DIDO1: variants seen among roughly 807,000 people sequenced by gnomAD.
DIDO1 encodes death inducer-obliterator 1.
A neutral mutation model predicts 99.4 loss-of-function variants in DIDO1; 16 were observed. The observed-to-expected ratio is 0.16, with a 90% CI of 0.11 to 0.24. DIDO1 has a LOEUF of 0.24. Ranked by LOEUF, DIDO1 falls within the 10% of genes least tolerant of loss-of-function variation. The pLI is 1.00. For missense variants in DIDO1, 2,996 were observed against 3,014.0 expected (o/e 0.99, Z 0.14); for synonymous variants, 1,366 against 1,239.1 (o/e 1.10, Z -2.15).
rs753370296 is a variant in DIDO1, at chr20:62,881,474, C to T, written c.4482G>A (p.Glu1494=). 2.5e-6 allele frequency: 4 copies of T among 1,610,382 alleles called. No individual in the cohort carries two copies. Among genetic ancestry groups the T allele is most frequent in the South Asian group, 2.2e-5 (2 of 91,082 alleles). ...GCTGCCTGAGAGCTTCTTCTTGCTC[C>T]TCCAGCTGTCTCTTCTGCTCCTCGA... ...KQIEEQKRQL[E]EQEEALRQQR... The change falls in exon 16 of 16, where the codon GAG becomes GAA. Residue 1494 remains glutamate (E), a synonymous_variant. Coordinates refer to ENST00000395343, the MANE Select transcript of DIDO1 (RefSeq NM_001193369.2). This position sits in a 1 kb window ranked among gnomAD's most constrained non-coding sequence, Gnocchi z 8.3.
At chr20:62,895,391 G>A (rs2064496230) in intron 8 of DIDO1, among the ~76,000 whole-genome samples, 1 of 152,178 alleles carries the variant, frequency 6.6e-6, no homozygotes, top group African/African-American at 2.4e-5. Flanking sequence ...TGAGCAAATG[G>A]GAGCCCAGAG....
upstream of DIDO1, among the ~76,000 whole-genome samples, chr20:62,929,663 G>A (rs1246015817): frequency 1.8e-5 from 2 of 109,816 alleles, no homozygotes; most frequent in East Asian, 5.6e-4. Flanking sequence ...TACCCAGGAG[G>A]AGAACGTGGA....
chr20:62,881,791 C>T lies in DIDO1; in HGVS notation c.4165G>A (p.Glu1389Lys), dbSNP rs1202697668. Reference protein sequence around the residue: ...EEDDRPYDPEEEYDPERAFDT... With the variant: ...EEDDRPYDPEKEYDPERAFDT... ...AAGGCCCTCTCCGGGTCGTACTCCTCCTCAGGGTCGTATGGCCTGTCGTCC... is the reference window on the plus strand; with the variant it reads ...AAGGCCCTCTCCGGGTCGTACTCCTTCTCAGGGTCGTATGGCCTGTCGTCC... The change falls in exon 16 of 16, where the codon GAG becomes AAG. Residue 1389 changes from glutamate to lysine, a missense_variant. This residue lies in a region of DIDO1 where 1,562 missense variants were observed against 1,412.6 expected (regional missense o/e 1.11). Coordinates refer to ENST00000395343, the MANE Select transcript of DIDO1 (RefSeq NM_001193369.2). The surrounding 1 kb of genome is among the most constrained non-coding windows in gnomAD (Gnocchi z 8.3). 6.2e-7 allele frequency: 1 copy of T among 1,613,480 alleles called. No homozygotes were observed. Among genetic ancestry groups the T allele is most frequent in the Non-Finnish European group, 8.5e-7 (1 of 1,180,024 alleles).
chr20:62,880,193 A>G lies in DIDO1; in HGVS notation c.5763T>C (p.Gly1921=). The G allele has an allele frequency of 6.2e-7, 1 of 1,611,968 alleles. No homozygotes were observed. Among genetic ancestry groups the G allele is most frequent in the Non-Finnish European group, 8.5e-7 (1 of 1,179,772 alleles). ...GGGGCCCTCTTGGGCCCACGAAATG[A>G]CCAGGGGGTGGTCCTCTCTGACCTC... ...QFGGQRGPPP[G]HFVGPRGPHP... is the part of the protein sequence containing the mutation. Residue 1921 remains glycine (G), a synonymous_variant, in exon 16 of 16, where the codon GGT becomes GGC. Coordinates refer to ENST00000395343, the MANE Select transcript of DIDO1 (RefSeq NM_001193369.2).
chr20:62,902,189 T>C (rs1341220140), intron 6 of DIDO1, among the ~76,000 whole-genome samples: 1 of 152,218 alleles, frequency 6.6e-6, no homozygotes, highest in Non-Finnish European at 1.5e-5. Flanking sequence ...AGGGTCACGG[T>C]TACGGAGGTG....
chr20:62,900,574 A>G (rs1374397502), intron 6 of DIDO1, among the ~76,000 whole-genome samples: 1 of 152,236 alleles, frequency 6.6e-6, no homozygotes, highest in African/African-American at 2.4e-5. Context: ...ATGGGGCAAG[A>G]GACCAAGTCT....
rs2064187558 is a variant in DIDO1, at chr20:62,880,793, C to T, written c.5163G>A (p.Gly1721=). ...RSSSPAGETE[G]DREPQARPGE... ...CGGGTCTGGCCTGTGGCTCTCTGTC[C>T]CCCTCTGTTTCACCTGCAGGGCTGC... is the stretch of plus-strand genomic sequence containing the variant. Residue 1721 remains glycine, a synonymous_variant, in exon 16 of 16, where the codon GGG becomes GGA. Coordinates refer to ENST00000395343, the MANE Select transcript of DIDO1 (RefSeq NM_001193369.2). 10 of 1,612,782 alleles carry T rather than the reference C, an allele frequency of 6.2e-6. No individual in the cohort carries two copies. The highest frequency in any genetic ancestry group is 8.5e-6 in the Non-Finnish European group (10 of 1,179,958).
Position 62,882,114 on chromosome 20 carries a change from G to A in DIDO1, c.3842C>T (p.Pro1281Leu), listed in dbSNP as rs984064280. 3.1e-6 allele frequency: 5 copies of A among 1,613,306 alleles called. No homozygotes were observed. The Admixed American group carries it at 6.7e-5, about 22-fold the overall frequency. Reference sequence around the variant, plus strand: ...TGCTGTGGCTGGGCTGGGGGCTGCAGGTTTGAGGGATGACAGCACTTTTAG... The same window carrying A: ...TGCTGTGGCTGGGCTGGGGGCTGCAAGTTTGAGGGATGACAGCACTTTTAG... ...PVLKVLSSLK[P>L]AAPSPATAAT... is the part of the protein sequence containing the mutation. Residue 1281 changes from proline (P) to leucine (L), a missense_variant, in exon 16 of 16, where the codon CCT becomes CTT. By Grantham distance (98) the Pro-to-Leu change is moderately conservative. Coordinates refer to ENST00000395343, the MANE Select transcript of DIDO1 (RefSeq NM_001193369.2).
intron 1 of DIDO1, among the ~76,000 whole-genome samples, chr20:62,937,505 G>C (rs1004265548): frequency 6.6e-6 from 1 of 152,262 alleles, no homozygotes; most frequent in Admixed American, 6.5e-5. Context: ...CATGGGAGGC[G>C]CCCTGAGGGC....
rs570033537 is a variant in DIDO1 at position 62,902,487 on chromosome 20, G to A, written c.1588+3400C>T. ...GGAGACAGATAAAAAAAGAGCTCAC[G>A]CGACCAGTGAAACAAGCCACCCTCC... On this transcript the variant is annotated intron_variant, in intron 6 of 15. Transcript: ENST00000395343. 2.6e-4 allele frequency among the ~76,000 whole-genome samples: 39 copies of A among 152,220 alleles called. 1 individual carries two copies. The highest frequency in any genetic ancestry group is 6.7e-4 in the African/African-American group (28 of 41,544).
intron 1 of DIDO1, among the ~76,000 whole-genome samples, chr20:62,931,711 C>T (rs2065333835): frequency 6.6e-6 from 1 of 152,222 alleles, no homozygotes; most frequent in South Asian, 2.1e-4. Flanking sequence ...GCATTCCAGA[C>T]GCAATGGGCC....
At position 62,896,575 on chromosome 20, in the gene DIDO1, A is replaced by T; in HGVS notation, c.2010T>A (p.Ile670=). 2 of 1,595,356 alleles carry T rather than the reference A, an allele frequency of 1.3e-6. No homozygotes were observed. The highest frequency in any genetic ancestry group is 1.7e-6 in the Non-Finnish European group (2 of 1,171,756). ...SAAPSQPNSQ[I]RQNIRRSLKE... ...TTAAGGAGCGTCTGATATTTTGCCG[A>T]ATTTGTGAATTTGGCTGCGATGGTG... The change falls in exon 7 of 16, where the codon ATT becomes ATA. Residue 670 remains isoleucine (I), a synonymous_variant. Transcript: ENST00000395343. The surrounding 1 kb of genome is among the most constrained non-coding windows in gnomAD (Gnocchi z 4.4).
At position 62,910,814 on chromosome 20, in the gene DIDO1, T is replaced by C; in HGVS notation, c.799A>G (p.Asn267Asp). ...PKPECEGYDP[N>D]ALYCICRQPH... ...TGGCGGCAAATGCAATACAGGGCGT[T>C]GGGGTCGTAACCCTCACATTCAGGC... is the stretch of plus-strand genomic sequence containing the variant. Residue 267 changes from asparagine to aspartate, a missense_variant, in exon 3 of 16, where the codon AAC becomes GAC. Around this residue, in one of 5 missense-constraint regions of DIDO1, gnomAD observed 388 missense variants for 376.6 expected, o/e 1.03. Coordinates refer to ENST00000395343, the MANE Select transcript of DIDO1 (RefSeq NM_001193369.2). 6.2e-7 allele frequency: 1 copy of C among 1,614,232 alleles called. No individual in the cohort carries two copies. The highest frequency in any genetic ancestry group is 8.5e-7 in the Non-Finnish European group (1 of 1,180,036).
intron 6 of DIDO1, among the ~76,000 whole-genome samples, chr20:62,901,151 T>C (rs1438879313): frequency 1.3e-5 from 2 of 152,204 alleles, no homozygotes; most frequent in East Asian, 1.9e-4. Flanking sequence ...ACTTCCCAAA[T>C]ACAGCAGGCA....
At chr20:62,929,692 A>AAAAAAAAAAAAAAATATATATATATATAT, upstream of DIDO1, among the ~76,000 whole-genome samples, 3 of 63,708 alleles carry the variant, frequency 4.7e-5, no homozygotes, top group African/African-American at 2.3e-4. Flanking sequence ...AAAAAGAAAA[A>AAAAAAAAAAAAAAATATATATATATATAT]GTGTATATAT....
At chr20:62,913,117 T>A (rs2147517194) in intron 2 of DIDO1, among the ~76,000 whole-genome samples, 1 of 152,346 alleles carries the variant, frequency 6.6e-6, no homozygotes, top group East Asian at 1.9e-4. Context: ...CTAAATGCTG[T>A]CACTTCTCAT....
At chr20:62,903,488 G>A (rs1176312716) in intron 6 of DIDO1, among the ~76,000 whole-genome samples, 1 of 152,172 alleles carries the variant, frequency 6.6e-6, no homozygotes, top group Non-Finnish European at 1.5e-5. Flanking sequence ...GGCGAGCTCC[G>A]TGGCCAGCCA....
At chr20:62,934,524 T>G (rs1373423314) in intron 1 of DIDO1, among the ~76,000 whole-genome samples, 1 of 152,200 alleles carries the variant, frequency 6.6e-6, no homozygotes. Flanking sequence ...TGAGAAATTA[T>G]CCTTGACCCC....
At chr20:62,886,944 T>G (rs2064306171) in intron 15 of DIDO1, among the ~76,000 whole-genome samples, 1 of 152,148 alleles carries the variant, frequency 6.6e-6, no homozygotes, top group Non-Finnish European at 1.5e-5. Flanking sequence ...TTGTTCCAAC[T>G]GGGAATCTCT....
Sources: gnomAD v4.1 joint callset for allele counts (sites outside exome capture counted in the v4.1 genomes callset) on GRCh38, gnomAD v4.1.1 for gene constraint, gnomAD v4.1.1 regional missense constraint, Gnocchi (gnomAD v3.1) non-coding constraint, MANE v1.5 for transcripts, NCBI Gene and HGNC (gene_info 2026-07-23, HGNC 2026-07-21) for gene names.